Variants in EML4 observed in about 807,000 individuals in gnomAD.
EML4 encodes EMAP like 4, also known as echinoderm microtubule-associated protein-like 4.
EML4 carries 72 observed loss-of-function variants against 129.0 expected under a neutral mutation model. The observed-to-expected ratio is 0.56, with a 90% CI of 0.46 to 0.68. The LOEUF is 0.68. EML4 is among the 30% of genes least tolerant of loss of function. The probability of loss-of-function intolerance (pLI) is 0.00; values close to 1 mark genes in which losing one functional copy is unlikely to be tolerated. For synonymous variants in EML4, 532 were observed against 405.0 expected, an observed-to-expected ratio of 1.31 and a Z score of -3.77; for missense variants, 1,363 against 1,190.6, an observed-to-expected ratio of 1.14 and a Z score of -2.13.
chr2:42,261,398 C>G lies in EML4; in HGVS notation c.512+104C>G, dbSNP rs549431823. The G allele has an allele frequency of 6.7e-6, 7 of 1,043,392 alleles. No individual in the cohort carries two copies. The African/African-American group carries it at 9.5e-5, about 14-fold the overall frequency. The allele number at this position is 1,043,392 out of a possible 1,614,324, so 64.6% of individuals were successfully genotyped here. A position where few individuals can be genotyped will look rare whatever the true frequency, so the allele number is the denominator to read the frequency against. ...TATCCAAGGATTCTGAGAGAAAAAG[C>G]TGGTGGCTTTATTTTTCCCTTCTTC... On this transcript the variant is annotated intron_variant, in intron 4 of 22. Transcript: ENST00000318522.
At chr2:42,293,638 G>C (rs1667777682) in intron 11 of EML4, among the ~76,000 whole-genome samples, 1 of 152,108 alleles carries the variant, frequency 6.6e-6, no homozygotes, top group Non-Finnish European at 1.5e-5. Context: ...TTGAGACAGA[G>C]TTTCACTCTG....
Position 42,264,103 on chromosome 2 carries a change from G to GTTTTTTTTTTTTTTTTTTTTTT in EML4, c.642-598_642-577dup, listed in dbSNP as rs9309080. On this transcript the variant is annotated intron_variant, in intron 5 of 22. Transcript: ENST00000318522. Reference sequence around the variant, plus strand: ...AAGGCTCCCAACTCAAACAATACGTGTTTTTTTTTTTTTTTTTTTTTTTTT... The same window carrying GTTTTTTTTTTTTTTTTTTTTTT: ...AAGGCTCCCAACTCAAACAATACGTGTTTTTTTTTTTTTTTTTTTTTTTTTTTTTTTTTTTTTTTTTTTTTTT... Among the ~76,000 whole-genome samples, 8 of 100,748 alleles carry GTTTTTTTTTTTTTTTTTTTTTT rather than the reference G, an allele frequency of 7.9e-5. 1 individual carries two copies. The highest frequency in any genetic ancestry group is 7.8e-5 in the Non-Finnish European group (4 of 51,220). 66.1% of individuals were successfully genotyped at this position (100,748 alleles called of 152,430 possible).
chr2:42,174,196 T>A (rs1325880762), intron 1 of EML4, among the ~76,000 whole-genome samples: 1 of 152,230 alleles, frequency 6.6e-6, no homozygotes, highest in Admixed American at 6.5e-5. Context: ...TTTTGATTTT[T>A]AAAATAGATT....
At chr2:42,293,028 A>G (rs1452395549) in intron 11 of EML4, among the ~76,000 whole-genome samples, 1 of 152,220 alleles carries the variant, frequency 6.6e-6, no homozygotes, top group Non-Finnish European at 1.5e-5. Flanking sequence ...TAGACTTGCT[A>G]AATATGTATA....
At chr2:42,301,454 A>G in intron 14 of EML4, 62 bp downstream of exon 14, 7 of 1,307,798 alleles carry the variant, frequency 5.4e-6, no homozygotes, top group Non-Finnish European at 7.2e-6. Flanking sequence ...TTTGTCCCAC[A>G]TTAAGATAAC....
At chr2:42,296,868 A>G (rs962850955) in intron 13 of EML4, among the ~76,000 whole-genome samples, 4 of 152,230 alleles carry the variant, frequency 2.6e-5, no homozygotes, top group Admixed American at 6.5e-5. Context: ...GGATGGCATT[A>G]TATCCCGATA....
At chr2:42,260,789 C>T (rs1318243550) in intron 3 of EML4, among the ~76,000 whole-genome samples, 4 of 152,244 alleles carry the variant, frequency 2.6e-5, no homozygotes, top group African/African-American at 9.6e-5. Context: ...CACAGATAGT[C>T]CTCTGATTTG....
chr2:42,295,402 G>T lies in EML4; in HGVS notation c.1375G>T (p.Val459Leu), dbSNP rs201233838. 8 of 1,612,778 alleles carry T rather than the reference G, an allele frequency of 5.0e-6. No individual in the cohort carries two copies. The highest frequency in any genetic ancestry group is 1.7e-5 in the Admixed American group (1 of 59,714). ...GTAGAAATATGAAAAGCCAAAATTT[G>T]TGCAGTGTTTAGCATTCTTGGGGAA... ...IFGKYEKPKF[V>L]QCLAFLGNGD... The change falls in exon 13 of 23, where the codon GTG (valine) becomes TTG (leucine). Residue 459 changes from valine (V) to leucine (L), a missense_variant. By Grantham distance (32) the Val-to-Leu change is conservative. Transcript: ENST00000318522.
At chr2:42,274,032 A>G (rs2104435553) in intron 6 of EML4, among the ~76,000 whole-genome samples, 1 of 152,288 alleles carries the variant, frequency 6.6e-6, no homozygotes, top group Non-Finnish European at 1.5e-5. Context: ...GGTCCTTGTC[A>G]CTTTCTACTA....
chr2:42,238,957 C>T (rs1674852799), intron 1 of EML4, among the ~76,000 whole-genome samples: 1 of 151,740 alleles, frequency 6.6e-6, no homozygotes, highest in African/African-American at 2.4e-5. Context: ...TTTGTAGAGA[C>T]AGGGTCACCC....
intron 6 of EML4, among the ~76,000 whole-genome samples, chr2:42,277,540 C>T (rs1020817113): frequency 6.6e-6 from 1 of 151,110 alleles, no homozygotes; most frequent in Non-Finnish European, 1.5e-5. Flanking sequence ...ATAAAAATAA[C>T]TTGAACTTCT....
rs754347942 is a variant in EML4 at position 42,264,919 on chromosome 2, CA to C, written c.667+193del. On this transcript the variant is annotated intron_variant, in intron 6 of 22. Transcript: ENST00000318522. ...GTAATGTCATTTTTGTCTCAACCAGCAAAAATGTCAACTCGCGAAAAAAACA... is the reference window on the plus strand; with the variant it reads ...GTAATGTCATTTTTGTCTCAACCAGCAAAATGTCAACTCGCGAAAAAAACA... The C allele has an allele frequency of 5.2e-6, 8 of 1,550,224 alleles. No homozygotes were observed. The South Asian group carries it at 9.5e-5, about 18-fold the overall frequency.
intron 1 of EML4, among the ~76,000 whole-genome samples, chr2:42,231,960 ATTAT>A (rs1441664837): frequency 6.6e-6 from 1 of 152,044 alleles, no homozygotes; most frequent in African/African-American, 2.4e-5. Flanking sequence ...AAAAAAAAAA[ATTAT>A]TTATTTCTAA....
intron 1 of EML4, among the ~76,000 whole-genome samples, chr2:42,171,303 T>C (rs751846551): frequency 2.0e-5 from 3 of 152,228 alleles, no homozygotes; most frequent in African/African-American, 4.8e-5. Flanking sequence ...GTGCTATCTT[T>C]ATACTGTATT....
intron 21 of EML4, among the ~76,000 whole-genome samples, chr2:42,327,991 G>T (rs1669899271): frequency 6.6e-6 from 1 of 152,102 alleles, no homozygotes; most frequent in African/African-American, 2.4e-5. Flanking sequence ...AGCCTAATAG[G>T]CCAGGAAGGA....
At chr2:42,173,316 CT>C (rs1350779155) in intron 1 of EML4, among the ~76,000 whole-genome samples, 3 of 150,732 alleles carry the variant, frequency 2.0e-5, no homozygotes, top group Admixed American at 2.0e-4. Flanking sequence ...TTTTTTTAAA[CT>C]TTTTTTATTG....
intron 1 of EML4, among the ~76,000 whole-genome samples, chr2:42,218,439 C>T (rs555913847): frequency 2.2e-4 from 33 of 152,176 alleles, no homozygotes; most frequent in Non-Finnish European, 5.9e-5. Flanking sequence ...GATCCCAGCC[C>T]TCCCCCGCTG....
intron 1 of EML4, among the ~76,000 whole-genome samples, chr2:42,216,619 T>C (rs905876969): frequency 1.3e-5 from 2 of 152,198 alleles, no homozygotes; most frequent in African/African-American, 4.8e-5. Context: ...TGTTACCTGT[T>C]CTTTTTCCAT....
chr2:42,265,023 T>C (rs1665976907), intron 6 of EML4: 4 of 1,337,572 alleles, frequency 3.0e-6, no homozygotes, highest in Non-Finnish European at 4.2e-6. Flanking sequence ...GGCTTTTTAT[T>C]ATTTATGCTG....
Sources: allele counts gnomAD v4.1 joint callset (sites outside exome capture counted in the v4.1 genomes callset), GRCh38; gene constraint gnomAD v4.1.1; transcripts MANE v1.5; gene names NCBI Gene and HGNC (gene_info 2026-07-23, HGNC 2026-07-21).